DDB2: variants seen among roughly 807,000 people sequenced by gnomAD.
DDB2 encodes DNA damage-binding protein 2.
In DDB2, 27 loss-of-function variants were observed where a neutral mutation model predicts 50.5. The ratio of observed to expected loss-of-function variants is 0.53; its 90% CI spans 0.39 to 0.74. The LOEUF (loss-of-function observed/expected upper bound fraction) is 0.74, where lower values mean the gene tolerates loss of function less well. Ranked by LOEUF, DDB2 falls within the 30% of genes least tolerant of loss-of-function variation. DDB2 has a pLI of 0.00. For missense variants in DDB2, 424 were observed against 545.6 expected (o/e 0.78, Z 2.22); for synonymous variants, 176 against 205.5 (o/e 0.86, Z 1.23).
chr11:47,216,706 C>T, intron 2 of DDB2, 152 bp from the exon 3 acceptor site: 1 of 972,246 alleles, frequency 1.0e-6, no homozygotes, highest in South Asian at 1.4e-5. Context: ...CGTTCGTGTA[C>T]ATTGCAAATA....
In DDB2 at chr11:47,230,996, T is replaced by C. The variant is rs60428958; in HGVS notation, c.457-1818T>C. Among the ~76,000 whole-genome samples the C allele has an allele frequency of 1.4e-4, 21 of 151,846 alleles. No homozygotes were observed. The East Asian group carries it at 4.1e-3, about 29-fold the overall frequency. On this transcript the variant is annotated intron_variant, in intron 3 of 9. Transcript: ENST00000256996. ...TTAGCTGGGTGTGATGGTGTGGGCA[T>C]GTAATCCCAGCTACTCAGGAGGCTG... is the stretch of plus-strand genomic sequence containing the variant.
At position 47,234,647 on chromosome 11, in the gene DDB2, T is replaced by G; in HGVS notation, c.677T>G (p.Ile226Ser). Residue 226 changes from isoleucine to serine, a missense_variant, in exon 5 of 10, where the codon ATC becomes AGC. Ile to Ser is a moderately radical substitution (Grantham distance 142). Coordinates refer to ENST00000256996, the MANE Select transcript of DDB2 (RefSeq NM_000107.3). Reference protein sequence around the residue: ...VVTGDNVGNVILLNMDGKELW... With the variant: ...VVTGDNVGNVSLLNMDGKELW... Reference sequence around the variant, plus strand: ...ACAGGAGACAACGTGGGGAACGTGATCCTGCTGAACATGGACGGCAAAGAG... The same window carrying G: ...ACAGGAGACAACGTGGGGAACGTGAGCCTGCTGAACATGGACGGCAAAGAG... 6.2e-7 allele frequency: 1 copy of G among 1,614,118 alleles called. No individual in the cohort carries two copies. The highest frequency in any genetic ancestry group is 1.7e-5 in the Admixed American group (1 of 59,994).
At chr11:47,226,866 C>T (rs1006140096) in intron 3 of DDB2, among the ~76,000 whole-genome samples, 8 of 151,418 alleles carry the variant, frequency 5.3e-5, no homozygotes, top group Admixed American at 6.6e-5. Flanking sequence ...CTTAGCCACC[C>T]GAGTAACTGG....
In DDB2 at chr11:47,216,415, C is replaced by T. The variant is rs758168272; in HGVS notation, c.207C>T (p.Ile69=). The change falls in exon 2 of 10, where the codon ATC becomes ATT. Residue 69 remains isoleucine (I), a synonymous_variant. Transcript: ENST00000256996. The part of the protein sequence containing the change: ...GPQILPPCRS[I]VRTLHQHKLG... ...AGATCCTGCCACCATGCCGCAGCAT[C>T]GTCAGGACCCTCCACCAGCATAAGC... 5.0e-6 allele frequency: 8 copies of T among 1,613,988 alleles called. No homozygotes were observed. In the East Asian group the frequency reaches 6.7e-5, roughly 13 times the overall value.
chr11:47,232,754 G>A (rs4647743), intron 3 of DDB2, 60 bp from the exon 4 acceptor site: 1 of 1,600,984 alleles, frequency 6.2e-7, no homozygotes, highest in Admixed American at 1.7e-5. Flanking sequence ...GTGTGCCCAG[G>A]CCTGGTTCCT....
intron 9 of DDB2, 40 bp downstream of exon 9, chr11:47,238,223 T>C: frequency 6.4e-7 from 1 of 1,568,560 alleles, no homozygotes. Flanking sequence ...CCAAGTCCGA[T>C]CCTACTTCCC....
intron 3 of DDB2, among the ~76,000 whole-genome samples, chr11:47,220,011 G>C (rs927393241): frequency 6.6e-6 from 1 of 151,928 alleles, no homozygotes; most frequent in Admixed American, 6.6e-5. Flanking sequence ...TGATGGTCTC[G>C]ATCTCCTGAC....
intron 2 of DDB2, 57 bp downstream of exon 2, chr11:47,216,529 C>A (rs1026898559): frequency 4.4e-6 from 7 of 1,608,370 alleles, no homozygotes; most frequent in Non-Finnish European, 5.9e-6. Context: ...TTTACTATTG[C>A]ATGCTCCCAA....
chr11:47,235,626 G>A (rs1021720860), intron 7 of DDB2: 1 of 603,700 alleles, frequency 1.7e-6, no homozygotes, highest in Non-Finnish European at 2.9e-6. Context: ...TCGCTGATAA[G>A]ATATTTTTCT....
chr11:47,222,062 A>C (rs1247412571), intron 3 of DDB2, among the ~76,000 whole-genome samples: 2 of 152,316 alleles, frequency 1.3e-5, no homozygotes, highest in East Asian at 3.9e-4. Context: ...TGAAGCCATC[A>C]CCACAATTAA....
At position 47,235,281 on chromosome 11, in the gene DDB2, C is replaced by A; in HGVS notation, c.892C>A (p.Pro298Thr). Residue 298 changes from proline (P) to threonine (T), a missense_variant, in exon 7 of 10, where the codon CCC becomes ACC. Pro to Thr is a conservative substitution (Grantham distance 38, BLOSUM62 -1). Coordinates refer to ENST00000256996, the MANE Select transcript of DDB2 (RefSeq NM_000107.3). ...RHPVNAACFS[P>T]DGARLLTTDQ... ...TTTCACTTTGCCAGCTTGTTTCAGT[C>A]CCGATGGAGCCCGGCTCCTGACCAC... 1 of 1,614,226 alleles carries A rather than the reference C, an allele frequency of 6.2e-7. No individual in the cohort carries two copies. The highest frequency in any genetic ancestry group is 1.1e-5 in the South Asian group (1 of 91,086).
At chr11:47,220,920 G>T (rs2135490704) in intron 3 of DDB2, among the ~76,000 whole-genome samples, 1 of 152,296 alleles carries the variant, frequency 6.6e-6, no homozygotes, top group East Asian at 1.9e-4. Context: ...AGCACTTTGG[G>T]AGGCCGAGGC....
Position 47,238,192 on chromosome 11 carries a change from G to A in DDB2, c.1234+9G>A, listed in dbSNP as rs756484790. 3.1e-5 allele frequency: 50 copies of A among 1,607,340 alleles called. No individual in the cohort carries two copies. Among genetic ancestry groups the A allele is most frequent in the Non-Finnish European group, 4.2e-5 (50 of 1,176,518 alleles). On this transcript the variant is annotated intron_variant, in intron 9 of 9. Coordinates refer to ENST00000256996, the MANE Select transcript of DDB2 (RefSeq NM_000107.3). ...GCTGGCCTCTGCAATGGGTGAGTAG[G>A]AGGAGAATGTCTCTGACTTGCCAAG...
rs564166137 is a variant in DDB2, at chr11:47,224,464, G to A, written c.456+7415G>A. Among the ~76,000 whole-genome samples the A allele has an allele frequency of 2.0e-5, 3 of 152,218 alleles. No individual in the cohort carries two copies. The East Asian group carries it at 5.8e-4, about 29-fold the overall frequency. ...AGGGTTTCACCATGTTGGCCAGGCT[G>A]GTCTTGAACTCCTGACCTCCAGTGA... is the stretch of plus-strand genomic sequence containing the variant. On this transcript the variant is annotated intron_variant, in intron 3 of 9. Coordinates refer to ENST00000256996, the MANE Select transcript of DDB2 (RefSeq NM_000107.3).
intron 7 of DDB2, chr11:47,235,763 A>AT: frequency 3.7e-6 from 1 of 270,340 alleles, no homozygotes; most frequent in Non-Finnish European, 7.1e-6. Context: ...TTATTTTTTT[A>AT]TTATTTTTTT....
chr11:47,228,525 C>A (rs890957885), intron 3 of DDB2, among the ~76,000 whole-genome samples: 2 of 150,784 alleles, frequency 1.3e-5, no homozygotes, highest in African/African-American at 4.9e-5. Flanking sequence ...TACCTGTAAT[C>A]CCAGCTACTC....
chr11:47,235,176 G>A, intron 6 of DDB2, 94 bp from the exon 7 acceptor site: 1 of 1,540,884 alleles, frequency 6.5e-7, no homozygotes, highest in South Asian at 1.1e-5. Context: ...AGAGAGGAGT[G>A]GGAGGGAGAG....
intron 1 of DDB2, chr11:47,216,106 A>G: frequency 1.5e-6 from 1 of 670,886 alleles, no homozygotes; most frequent in Non-Finnish European, 2.7e-6. Context: ...GACTGTATTT[A>G]CTTTCACTTC....
At chr11:47,238,707 T>G (rs1482948512) in intron 9 of DDB2, 93 bp from the exon 10 acceptor site, 2 of 1,452,082 alleles carry the variant, frequency 1.4e-6, no homozygotes, top group African/African-American at 2.8e-5. Context: ...CTTCCTAGTA[T>G]TTCTTTACCA....
Sources: allele counts gnomAD v4.1 joint callset (sites outside exome capture counted in the v4.1 genomes callset), GRCh38; gene constraint gnomAD v4.1.1; transcripts MANE v1.5; gene names NCBI Gene and HGNC (gene_info 2026-07-23, HGNC 2026-07-21).